EIF4ENIF1: variants seen among roughly 807,000 people sequenced by gnomAD.
The protein encoded by EIF4ENIF1 is eukaryotic translation initiation factor 4E transporter.
EIF4ENIF1 carries 23 observed loss-of-function variants against 110.5 expected under a neutral mutation model. The ratio of observed to expected loss-of-function variants is 0.21; its 90% CI spans 0.15 to 0.29. The LOEUF (loss-of-function observed/expected upper bound fraction) is 0.29. Ranked by LOEUF, EIF4ENIF1 falls within the 10% of genes least tolerant of loss-of-function variation. The pLI, the probability that EIF4ENIF1 is intolerant of heterozygous loss-of-function variation, is 1.00. For missense variants in EIF4ENIF1, 1,031 were observed against 1,221.1 expected (o/e 0.84, Z 2.32); for synonymous variants, 440 against 437.0 (o/e 1.01, Z -0.09).
At chr22:31,489,324 C>T (rs529178916) in intron 1 of EIF4ENIF1, 1 of 153,086 alleles carries the variant, frequency 6.5e-6, no homozygotes, top group African/African-American at 2.4e-5. Flanking sequence ...CGACCCCAAC[C>T]CGCAGCCCCT....
chr22:31,451,993 G>C (rs1217031916), intron 10 of EIF4ENIF1, among the ~76,000 whole-genome samples: 1 of 152,188 alleles, frequency 6.6e-6, no homozygotes, highest in African/African-American at 2.4e-5. Flanking sequence ...TTGGAACTGG[G>C]ACTAAAGGCA....
chr22:31,473,952 T>C (rs1300287490), intron 2 of EIF4ENIF1, among the ~76,000 whole-genome samples: 1 of 152,234 alleles, frequency 6.6e-6, no homozygotes, highest in Middle Eastern at 3.4e-3. Flanking sequence ...CTCTCCACTC[T>C]CCATATTTAC....
rs569036609 is a variant in EIF4ENIF1, at chr22:31,443,510, A to G, written c.2074-416T>C. On this transcript the variant is annotated intron_variant, in intron 15 of 18. Coordinates refer to ENST00000330125, the MANE Select transcript of EIF4ENIF1 (RefSeq NM_019843.4). ...TACCAGAAAAGTCAAATTTATCTCAATAGTCTCCTCAGCCATCAGGATTAA... is the reference window on the plus strand; with the variant it reads ...TACCAGAAAAGTCAAATTTATCTCAGTAGTCTCCTCAGCCATCAGGATTAA... The G allele has an allele frequency of 7.9e-5, 13 of 164,690 alleles. No individual in the cohort carries two copies. The South Asian group carries it at 1.3e-3, about 17-fold the overall frequency. The allele number at this position is 164,690 out of a possible 1,614,324, so 10.2% of individuals were successfully genotyped here.
In EIF4ENIF1 at chr22:31,461,108, T is replaced by G. The variant is rs533423792; in HGVS notation, c.787+1824A>C. On this transcript the variant is annotated intron_variant, in intron 6 of 18. Coordinates refer to ENST00000330125, the MANE Select transcript of EIF4ENIF1 (RefSeq NM_019843.4). ...GATGGGTACATGTGTTCTTCAATGC[T>G]AAAGGTAACCCTTAAGTTATGATAG... Among the ~76,000 whole-genome samples the G allele has an allele frequency of 2.0e-5, 3 of 152,350 alleles. No individual in the cohort carries two copies. In the South Asian group the frequency reaches 6.2e-4, roughly 32 times the overall value.
intron 1 of EIF4ENIF1, chr22:31,489,293 A>G (rs985129370): frequency 6.5e-6 from 1 of 152,898 alleles, no homozygotes; most frequent in African/African-American, 2.4e-5. Flanking sequence ...TTCAGCTCCG[A>G]AACTTGGCTT....
In EIF4ENIF1 at chr22:31,447,544, G is replaced by C; in HGVS notation, c.1870C>G (p.Gln624Glu). Residue 624 changes from glutamine to glutamate, a missense_variant, in exon 14 of 19, where the codon CAG becomes GAG. By Grantham distance (29) the Gln-to-Glu change is conservative. This residue lies in a region of EIF4ENIF1 where 704 missense variants were observed against 879.7 expected (regional missense o/e 0.80). Coordinates refer to ENST00000330125, the MANE Select transcript of EIF4ENIF1 (RefSeq NM_019843.4). ...TAQMSQLELQ[Q>E]AALEGLALPH... ...AAGGCCAGCCCTTCTAAAGCTGCCTGTTGCAACTCCAGCTGGCTCATCTGC... is the reference window on the plus strand; with the variant it reads ...AAGGCCAGCCCTTCTAAAGCTGCCTCTTGCAACTCCAGCTGGCTCATCTGC... 2 of 1,606,622 alleles carry C rather than the reference G, an allele frequency of 1.2e-6. No individual in the cohort carries two copies. Among genetic ancestry groups the C allele is most frequent in the Non-Finnish European group, 1.7e-6 (2 of 1,175,084 alleles).
At chr22:31,472,688 A>G (rs1338292362) in intron 2 of EIF4ENIF1, among the ~76,000 whole-genome samples, 1 of 152,220 alleles carries the variant, frequency 6.6e-6, no homozygotes, top group Non-Finnish European at 1.5e-5. Context: ...GAATTTTAAA[A>G]AAATTGATAC....
chr22:31,461,935 T>C (rs569169165), intron 6 of EIF4ENIF1: 15 of 141,730 alleles, frequency 1.1e-4, no homozygotes, highest in African/African-American at 3.6e-4. Flanking sequence ...GAAATGGGCA[T>C]AAAAAAGTAC....
intron 2 of EIF4ENIF1, among the ~76,000 whole-genome samples, chr22:31,485,416 G>C (rs910538312): frequency 2.6e-5 from 4 of 152,166 alleles, no homozygotes; most frequent in Admixed American, 2.6e-4. Context: ...TAAGCATAAA[G>C]ATAGAAACAT....
chr22:31,455,277 C>A lies in EIF4ENIF1; in HGVS notation c.1138G>T (p.Gly380Trp), dbSNP rs374855102. The change falls in exon 9 of 19, where the codon GGG becomes TGG. Residue 380 changes from glycine to tryptophan, a missense_variant. Gly to Trp is a radical substitution (Grantham distance 184). Coordinates refer to ENST00000330125, the MANE Select transcript of EIF4ENIF1 (RefSeq NM_019843.4). ...AATGGTATAGGAGCAAAGTAATTCC[C>A]CGAGTTCTGTCCAGGAGAGAGGATG... is the stretch of plus-strand genomic sequence containing the variant. ...QAILSPGQNS[G>W]NYFAPIPLED... 5.6e-6 allele frequency: 9 copies of A among 1,611,312 alleles called. No homozygotes were observed. The highest frequency in any genetic ancestry group is 7.6e-6 in the Non-Finnish European group (9 of 1,178,930).
At chr22:31,441,556 A>AG (rs1193571999) in intron 17 of EIF4ENIF1, among the ~76,000 whole-genome samples, 1 of 148,622 alleles carries the variant, frequency 6.7e-6, no homozygotes, top group African/African-American at 2.5e-5. Flanking sequence ...AAAGGAAAAA[A>AG]AAAAAAAAAA....
downstream of EIF4ENIF1, chr22:31,437,922 A>G (rs1414194245): frequency 1.3e-5 from 2 of 152,234 alleles, no homozygotes; most frequent in African/African-American, 2.4e-5. Context: ...GGGATTACTA[A>G]TGAGGCTGAA....
chr22:31,475,569 T>C (rs899247518), intron 2 of EIF4ENIF1, among the ~76,000 whole-genome samples: 10 of 151,948 alleles, frequency 6.6e-5, no homozygotes, highest in Non-Finnish European at 4.4e-5. Context: ...CTGGCCAACA[T>C]GGTGAAACCC....
At chr22:31,441,081 C>T (rs2050279879) in intron 17 of EIF4ENIF1, among the ~76,000 whole-genome samples, 1 of 152,052 alleles carries the variant, frequency 6.6e-6, no homozygotes, top group South Asian at 2.1e-4. Context: ...ATGGTGAAAC[C>T]CTGTCTCTAC....
At chr22:31,475,061 G>C (rs1355696326) in intron 2 of EIF4ENIF1, among the ~76,000 whole-genome samples, 1 of 152,132 alleles carries the variant, frequency 6.6e-6, no homozygotes, top group African/African-American at 2.4e-5. Context: ...GCATCTAAAT[G>C]TTTTCTTCAG....
chr22:31,488,529 T>C (rs2052130450), intron 2 of EIF4ENIF1, 94 bp downstream of exon 2: 2 of 1,537,874 alleles, frequency 1.3e-6, no homozygotes, highest in South Asian at 2.3e-5. Context: ...TGAGTCAGAA[T>C]GAGATTACCA....
chr22:31,463,585 G>T lies in EIF4ENIF1; in HGVS notation c.585+96C>A. ...TAATCCCAGATACTGGGCTGAGGCA[G>T]CAGTGAGTCAAGATCGTGCCATTGC... On this transcript the variant is annotated intron_variant, in intron 5 of 18. Transcript: ENST00000330125. 5 of 1,217,376 alleles carry T rather than the reference G, an allele frequency of 4.1e-6. No individual in the cohort carries two copies. The South Asian group carries it at 8.1e-5, about 20-fold the overall frequency. 75.4% of individuals were successfully genotyped at this position (1,217,376 alleles called of 1,614,324 possible). A position where few individuals can be genotyped will look rare whatever the true frequency, so the allele number is the denominator to read the frequency against.
intron 7 of EIF4ENIF1, among the ~76,000 whole-genome samples, chr22:31,456,285 ACG>A (rs2050812037): frequency 6.9e-6 from 1 of 143,938 alleles, no homozygotes; most frequent in Non-Finnish European, 1.5e-5. Flanking sequence ...GTGCAGTGGC[ACG>A]ATCTCGGCTC....
At chr22:31,440,313 C>T (rs1485059262) in intron 18 of EIF4ENIF1, among the ~76,000 whole-genome samples, 192 bp from the exon 19 acceptor site, 1 of 152,146 alleles carries the variant, frequency 6.6e-6, no homozygotes, top group African/African-American at 2.4e-5. Flanking sequence ...TCAGAAGCTA[C>T]CAGTATTGAA....
Sources: gnomAD v4.1 joint callset for allele counts (sites outside exome capture counted in the v4.1 genomes callset) on GRCh38, gnomAD v4.1.1 for gene constraint, gnomAD v4.1.1 regional missense constraint, MANE v1.5 for transcripts, NCBI Gene and HGNC (gene_info 2026-07-23, HGNC 2026-07-21) for gene names.